AVEN: variants seen among roughly 807,000 people sequenced by gnomAD.
AVEN encodes cell death regulator Aven.
In AVEN, 41 loss-of-function variants were observed where a neutral mutation model predicts 38.1. That is an observed-to-expected ratio of 1.08 (90% CI 0.84 to 1.40). The LOEUF (loss-of-function observed/expected upper bound fraction) is 1.40, where lower values mean the gene tolerates loss of function less well. Among genes scored for constraint, AVEN ranks in the 40% most tolerant of loss-of-function variants. The pLI, the probability that AVEN is intolerant of heterozygous loss-of-function variation, is 0.00. For synonymous variants in AVEN, 206 were observed against 171.8 expected (o/e 1.20, Z -1.56); for missense variants, 605 against 438.8 (o/e 1.38, Z -3.38).
At chr15:33,929,387 C>T (rs557993270) in intron 2 of AVEN, among the ~76,000 whole-genome samples, 26 of 152,252 alleles carry the variant, frequency 1.7e-4, no homozygotes, top group African/African-American at 6.3e-4. Flanking sequence ...AAGTGAGTTG[C>T]CCACACTGCA....
At chr15:33,864,401 T>C (rs1437721016), downstream of AVEN, among the ~76,000 whole-genome samples, 1 of 151,298 alleles carries the variant, frequency 6.6e-6, no homozygotes, top group Non-Finnish European at 1.5e-5. Flanking sequence ...TTATAGCTAC[T>C]GCTTCAGACT....
At chr15:34,016,481 T>C (rs1897918271) in intron 1 of AVEN, among the ~76,000 whole-genome samples, 2 of 152,070 alleles carry the variant, frequency 1.3e-5, no homozygotes, top group South Asian at 2.1e-4. Flanking sequence ...GACTCTTTTT[T>C]CTTACAAATT....
At chr15:34,069,317 G>A (rs1315917066) in intron 2 of AVEN, among the ~76,000 whole-genome samples, 2 of 149,850 alleles carry the variant, frequency 1.3e-5, no homozygotes, top group Admixed American at 1.3e-4. Context: ...CTACTTGGGA[G>A]GCTGAGGCAG....
chr15:34,039,844 C>A (rs916926903), upstream of AVEN, among the ~76,000 whole-genome samples: 1 of 152,268 alleles, frequency 6.6e-6, no homozygotes, highest in East Asian at 1.9e-4. Flanking sequence ...TTAAAAAAAA[C>A]TTGACTAAAG....
At chr15:34,035,449 A>G (rs889332139) in intron 1 of AVEN, among the ~76,000 whole-genome samples, 23 of 152,048 alleles carry the variant, frequency 1.5e-4, no homozygotes, top group African/African-American at 5.6e-4. Context: ...TCAAATCTCA[A>G]AGTCATTCCA....
At chr15:33,927,029 C>T (rs1350910702) in intron 2 of AVEN, among the ~76,000 whole-genome samples, 5 of 152,064 alleles carry the variant, frequency 3.3e-5, no homozygotes, top group East Asian at 1.9e-4. Flanking sequence ...CTGAGACAGG[C>T]GGATCACAAG....
rs1893942451 is a variant in AVEN, at chr15:33,933,522, CACAGAG to C, written c.446-57533_446-57528del. Reference sequence around the variant, plus strand: ...ACACACACACACACACACACACACACACAGAGAGAGAGAGAGAGAGAGAGAGAGAGA... The same window carrying C: ...ACACACACACACACACACACACACACAGAGAGAGAGAGAGAGAGAGAGAGA... On this transcript the variant is annotated intron_variant, in intron 2 of 5. Transcript: ENST00000306730. Among the ~76,000 whole-genome samples the C allele has an allele frequency of 2.6e-4, 14 of 53,232 alleles. No individual in the cohort carries two copies. The South Asian group carries it at 2.8e-3, about 11-fold the overall frequency. 34.9% of individuals were successfully genotyped at this position (53,232 alleles called of 152,430 possible). A position where few individuals can be genotyped will look rare whatever the true frequency, so the allele number is the denominator to read the frequency against.
intron 2 of AVEN, among the ~76,000 whole-genome samples, chr15:33,899,508 C>A (rs945446661): frequency 2.0e-5 from 2 of 98,030 alleles, no homozygotes; most frequent in South Asian, 3.5e-4. Flanking sequence ...GTTGCTCTGT[C>A]ATCCAGGCTG....
intron 2 of AVEN, among the ~76,000 whole-genome samples, chr15:33,922,547 G>A (rs1893439239): frequency 6.6e-6 from 1 of 152,030 alleles, no homozygotes; most frequent in South Asian, 2.1e-4. Flanking sequence ...AGATGCTCCC[G>A]CCTCAGCCTC....
chr15:33,952,883 T>G (rs1003386244), intron 2 of AVEN, among the ~76,000 whole-genome samples: 3 of 151,978 alleles, frequency 2.0e-5, no homozygotes, highest in Non-Finnish European at 4.4e-5. Flanking sequence ...ACACTTCATT[T>G]CAACAACACA....
chr15:34,004,643 T>C (rs902793874), intron 1 of AVEN, among the ~76,000 whole-genome samples: 7 of 152,148 alleles, frequency 4.6e-5, no homozygotes, highest in Non-Finnish European at 7.4e-5. Context: ...GAACTCTTTA[T>C]GGATGAAAAG....
intron 1 of AVEN, among the ~76,000 whole-genome samples, chr15:34,072,380 A>G (rs1037992147): frequency 6.6e-5 from 10 of 152,136 alleles, no homozygotes; most frequent in African/African-American, 2.2e-4. Flanking sequence ...TGGGAGGCCG[A>G]GGTGGGCAGA....
At chr15:33,894,481 A>AC (rs1349290027) in intron 2 of AVEN, among the ~76,000 whole-genome samples, 1 of 146,378 alleles carries the variant, frequency 6.8e-6, no homozygotes, top group Non-Finnish European at 1.5e-5. Flanking sequence ...AAGTAGAAGA[A>AC]CACAGGCAGT....
intron 1 of AVEN, among the ~76,000 whole-genome samples, chr15:34,073,986 C>CTTTTTTTTTTTTTTTTTTTTTTTTT (rs1381411256): frequency 3.6e-5 from 4 of 112,244 alleles, no homozygotes; most frequent in African/African-American, 1.2e-4. Flanking sequence ...TTTTCTTCTT[C>CTTTTTTTTTTTTTTTTTTTTTTTTT]TTCTTTTTTT....
chr15:33,942,027 T>G (rs765003306), intron 2 of AVEN, among the ~76,000 whole-genome samples: 20 of 152,336 alleles, frequency 1.3e-4, no homozygotes, highest in Admixed American at 2.6e-4. Context: ...GTTTATCAAG[T>G]AAGCTTTGAA....
intron 3 of AVEN, among the ~76,000 whole-genome samples, chr15:33,874,620 T>C (rs1450702877): frequency 6.6e-6 from 1 of 152,206 alleles, no homozygotes; most frequent in South Asian, 2.1e-4. Flanking sequence ...ATGTATTAGG[T>C]AAATATCTAC....
At chr15:33,880,132 T>G (rs1891424126) in intron 2 of AVEN, among the ~76,000 whole-genome samples, 1 of 151,746 alleles carries the variant, frequency 6.6e-6, no homozygotes, top group Non-Finnish European at 1.5e-5. Flanking sequence ...ATGGGTAAAA[T>G]CCAACAATGA....
At chr15:33,900,391 T>C (rs184581473) in intron 2 of AVEN, among the ~76,000 whole-genome samples, 1 of 151,826 alleles carries the variant, frequency 6.6e-6, no homozygotes, top group Admixed American at 6.6e-5. Flanking sequence ...TACTGCAGCC[T>C]CAACCTCCCA....
chr15:34,030,509 CT>C (rs1486735542), intron 1 of AVEN, among the ~76,000 whole-genome samples: 1 of 152,014 alleles, frequency 6.6e-6, no homozygotes, highest in Non-Finnish European at 1.5e-5. Flanking sequence ...CCTCGCCCGG[CT>C]AATTTTTTTG....
Sources: allele counts gnomAD v4.1 joint callset (sites outside exome capture counted in the v4.1 genomes callset), GRCh38; gene constraint gnomAD v4.1.1; transcripts MANE v1.5; gene names NCBI Gene and HGNC (gene_info 2026-07-23, HGNC 2026-07-21).